RIOK3: variants seen among roughly 807,000 people sequenced by gnomAD.
The protein encoded by RIOK3 is serine/threonine-protein kinase RIO3.
In RIOK3, 40 loss-of-function variants were observed where a neutral mutation model predicts 63.5. That is an observed-to-expected ratio of 0.63 (90% confidence interval 0.49 to 0.82). The LOEUF is 0.82. RIOK3 is among the 40% of genes least tolerant of loss of function. The pLI, the probability that RIOK3 is intolerant of heterozygous loss-of-function variation, is 0.00. For missense variants in RIOK3, 557 were observed against 637.0 expected (o/e 0.87, Z 1.35); for synonymous variants, 193 against 205.0 (o/e 0.94, Z 0.50).
chr18:23,470,620 G>A (rs959344742), intron 7 of RIOK3, among the ~76,000 whole-genome samples: 5 of 152,166 alleles, frequency 3.3e-5, no homozygotes, highest in Non-Finnish European at 7.4e-5. Context: ...AATTCTTTAA[G>A]AAAAAGGCTA....
Position 23,466,291 on chromosome 18 carries a change from A to ATT in RIOK3, c.687+25_687+26dup, listed in dbSNP as rs34308695. The ATT allele has an allele frequency of 1.2e-4, 163 of 1,345,030 alleles. No individual in the cohort carries two copies. Among genetic ancestry groups the ATT allele is most frequent in the South Asian group, 5.8e-4 (40 of 68,908 alleles). The allele number at this position is 1,345,030 out of a possible 1,614,324, so 83.3% of individuals were successfully genotyped here. ...ATTCTACAGCAGTAAGGATTTATAG[A>ATT]TTTTTTTTTTTCTTTTTTACTAGAA... On this transcript the variant is annotated intron_variant, in intron 6 of 12. Coordinates refer to ENST00000339486, the MANE Select transcript of RIOK3 (RefSeq NM_003831.5).
rs73967106 is a variant in RIOK3, at chr18:23,467,633, A to G, written c.815+107A>G. The G allele has an allele frequency of 6.3e-5, 69 of 1,102,078 alleles. No homozygotes were observed. The African/African-American group carries it at 1.0e-3, about 16-fold the overall frequency. The allele number at this position is 1,102,078 out of a possible 1,614,324, so 68.3% of individuals were successfully genotyped here. On this transcript the variant is annotated intron_variant, in intron 7 of 12. Transcript: ENST00000339486. ...ATAATGCTGCATGGCAAGCAGAGTAATTTTTAAAGTGTTATTGTAGAAAGT... is the reference window on the plus strand; with the variant it reads ...ATAATGCTGCATGGCAAGCAGAGTAGTTTTTAAAGTGTTATTGTAGAAAGT...
intron 12 of RIOK3, 96 bp downstream of exon 12, chr18:23,479,520 C>G (rs979001318): frequency 9.3e-6 from 6 of 645,986 alleles, no homozygotes; most frequent in Middle Eastern, 2.6e-4. Flanking sequence ...CTCCCTTTCC[C>G]CCAAAACAAA....
At chr18:23,475,145 T>TA (rs1431606530) in intron 9 of RIOK3, 38 bp downstream of exon 9, 4 of 1,513,174 alleles carry the variant, frequency 2.6e-6, no homozygotes, top group Non-Finnish European at 3.6e-6. Flanking sequence ...ACACTACCTT[T>TA]AAAAAATATT....
chr18:23,468,001 C>T (rs1366435272), intron 7 of RIOK3, among the ~76,000 whole-genome samples: 1 of 152,096 alleles, frequency 6.6e-6, no homozygotes, highest in Non-Finnish European at 1.5e-5. Flanking sequence ...TGTCCTCAAA[C>T]TCCTGACCTT....
rs1386984495 is a variant in RIOK3, at chr18:23,473,487, TTTAAAACAACCC to T, written c.879_890del (p.Lys293_Leu296del). The T allele has an allele frequency of 6.2e-7, 1 of 1,612,846 alleles. No individual in the cohort carries two copies. The highest frequency in any genetic ancestry group is 2.2e-5 in the East Asian group (1 of 44,804). On this transcript the variant is annotated inframe_deletion, in exon 8 of 13. Coordinates refer to ENST00000339486, the MANE Select transcript of RIOK3 (RefSeq NM_003831.5). ...ACCTACAGAATGTGCCATCAAGGTATTTAAAACAACCCTTAATGAATTTAAGAATCGTGACAA... is the reference window on the plus strand; with the variant it reads ...ACCTACAGAATGTGCCATCAAGGTATTTAATGAATTTAAGAATCGTGACAA...
chr18:23,469,662 A>G (rs1437228216), intron 7 of RIOK3, among the ~76,000 whole-genome samples: 4 of 150,946 alleles, frequency 2.6e-5, no homozygotes, highest in East Asian at 2.0e-4. Flanking sequence ...TAATTTTTGT[A>G]TTTTTAGTAG....
intron 11 of RIOK3, chr18:23,478,975 G>A (rs2057512850): frequency 4.3e-6 from 1 of 232,056 alleles, no homozygotes; most frequent in South Asian, 6.5e-5. Flanking sequence ...TAGAACCTGA[G>A]TATAGTCCAG....
intron 5 of RIOK3, 26 bp downstream of exon 5, chr18:23,464,654 T>G: frequency 4.8e-5 from 65 of 1,355,092 alleles, no homozygotes; most frequent in Non-Finnish European, 6.0e-5. Flanking sequence ...TATCTATCTC[T>G]GAATTTAGAG....
rs2057536493 is a variant in RIOK3, at chr18:23,481,764, A to G, written c.*485A>G. On this transcript the variant is annotated 3_prime_UTR_variant, in exon 13 of 13. Transcript: ENST00000339486. The stretch of plus-strand genomic sequence containing the variant: ...TTTCCAGACTGTGGCCGTGATTCTA[A>G]AGGAAAATGTGTGCTCTTTAGTGGG... The G allele has an allele frequency of 6.6e-6, 1 of 152,366 alleles. No homozygotes were observed. The highest frequency in any genetic ancestry group is 2.4e-5 in the African/African-American group (1 of 41,456). The allele number at this position is 152,366 out of a possible 1,614,324, so 9.4% of individuals were successfully genotyped here. A position where few individuals can be genotyped will look rare whatever the true frequency, so the allele number is the denominator to read the frequency against.
rs562961852 is a variant in RIOK3, at chr18:23,481,226, G to A, written c.1507G>A (p.Ala503Thr). 6 of 1,612,246 alleles carry A rather than the reference G, an allele frequency of 3.7e-6. No individual in the cohort carries two copies. Among genetic ancestry groups the A allele is most frequent in the Non-Finnish European group, 4.2e-6 (5 of 1,179,340 alleles). ...EDHVQKNGRK[A>T]ASFLKDDGDP... Reference sequence around the variant, plus strand: ...TCACGTTCAGAAGAATGGAAGGAAAGCTGCTTCATTTTTGAAAGATGATGG... The same window carrying A: ...TCACGTTCAGAAGAATGGAAGGAAAACTGCTTCATTTTTGAAAGATGATGG... The change falls in exon 13 of 13, where the codon GCT (alanine) becomes ACT (threonine). Residue 503 changes from alanine (A) to threonine (T), a missense_variant. Ala to Thr is a moderately conservative substitution (Grantham distance 58, BLOSUM62 0). Transcript: ENST00000339486.
intron 7 of RIOK3, among the ~76,000 whole-genome samples, chr18:23,468,364 G>A (rs34279787): frequency 4.4e-5 from 6 of 135,996 alleles, no homozygotes; most frequent in Non-Finnish European, 7.6e-5. Flanking sequence ...GTACAATGGC[G>A]CAATCTCAGC....
chr18:23,474,918 G>C (rs768415340), intron 8 of RIOK3, 30 bp from the exon 9 acceptor site: 3 of 1,551,548 alleles, frequency 1.9e-6, no homozygotes, highest in South Asian at 2.2e-5. Context: ...CTTCTGATCT[G>C]TATATTCTGA....
intron 11 of RIOK3, among the ~76,000 whole-genome samples, chr18:23,478,485 G>C (rs1188270251): frequency 1.3e-5 from 2 of 151,922 alleles, no homozygotes; most frequent in African/African-American, 2.4e-5. Flanking sequence ...TGTTTTACTA[G>C]GGAGGCTGAG....
chr18:23,457,694 T>G (rs1372864090), intron 1 of RIOK3, among the ~76,000 whole-genome samples: 1 of 152,156 alleles, frequency 6.6e-6, no homozygotes, highest in Non-Finnish European at 1.5e-5. Context: ...AATGGATTAG[T>G]GTTGTTATGT....
At chr18:23,453,628 A>G in intron 1 of RIOK3, 126 bp downstream of exon 1, 1 of 816,954 alleles carries the variant, frequency 1.2e-6, no homozygotes, top group Non-Finnish European at 2.1e-6. Flanking sequence ...GGACCTCGGC[A>G]AGGGGGCACT....
At chr18:23,465,511 G>A (rs750115007) in intron 5 of RIOK3, among the ~76,000 whole-genome samples, 1 of 152,148 alleles carries the variant, frequency 6.6e-6, no homozygotes, top group African/African-American at 2.4e-5. Flanking sequence ...AAATATTCCA[G>A]ATCTAATTCT....
chr18:23,475,080 G>A lies in RIOK3; in HGVS notation c.1146G>A (p.Met382Ile). The change falls in exon 9 of 13, where the codon ATG becomes ATA. Residue 382 changes from methionine to isoleucine, a missense_variant. By Grantham distance (10) the Met-to-Ile change is conservative. This residue lies in a region of RIOK3 where 309 missense variants were observed against 338.7 expected (regional missense o/e 0.91). Transcript: ENST00000339486. ...LKEVKLNSEEMKEAYYQTLHL... is the reference protein window; with the variant it reads ...LKEVKLNSEEIKEAYYQTLHL... ...AAGTAAAGCTCAATAGTGAAGAAAT[G>A]AAAGAAGCCTACTATCAAACTCTTC... The A allele has an allele frequency of 6.2e-7, 1 of 1,612,718 alleles. No homozygotes were observed. The highest frequency in any genetic ancestry group is 8.5e-7 in the Non-Finnish European group (1 of 1,179,334).
intron 5 of RIOK3, among the ~76,000 whole-genome samples, chr18:23,465,331 A>C (rs2057399527): frequency 6.6e-6 from 1 of 152,178 alleles, no homozygotes; most frequent in Non-Finnish European, 1.5e-5. Flanking sequence ...AGATCGTGCC[A>C]CTTCACTCCA....
Sources: allele counts gnomAD v4.1 joint callset (sites outside exome capture counted in the v4.1 genomes callset), GRCh38; gene constraint gnomAD v4.1.1; regional missense constraint gnomAD v4.1.1; transcripts MANE v1.5; gene names NCBI Gene and HGNC (gene_info 2026-07-23, HGNC 2026-07-21).